The following FFAR2 variants were observed in gnomAD, a reference collection of about 807,000 sequenced individuals.
FFAR2 encodes G-protein coupled receptor 43.
For missense variants in FFAR2, 421 were observed against 428.9 expected (o/e 0.98, Z 0.16); for synonymous variants, 193 against 189.9 (o/e 1.02, Z -0.13).
In FFAR2 at chr19:35,450,057, G is replaced by C; in HGVS notation, c.343G>C (p.Val115Leu). ...IERYLGVAFPVQYKLSRRPLY... is the reference protein window; with the variant it reads ...IERYLGVAFPLQYKLSRRPLY... ...GCGCTACCTGGGAGTGGCTTTCCCC[G>C]TGCAGTACAAGCTCTCCCGCCGGCC... The change falls in exon 2 of 2, where the codon GTG (valine) becomes CTG (leucine). Residue 115 changes from valine (V) to leucine (L), a missense_variant. Transcript: ENST00000599180. 6.2e-7 allele frequency: 1 copy of C among 1,614,190 alleles called. No homozygotes were observed. Among genetic ancestry groups the C allele is most frequent in the East Asian group, 2.2e-5 (1 of 44,880 alleles).
chr19:35,449,795 G>T lies in FFAR2; in HGVS notation c.81G>T (p.Leu27=), dbSNP rs569172650. Reference sequence around the variant, plus strand: ...TCACTGGCCTCCCTGCCAACCTCCTGGCCCTGCGGGCCTTTGTGGGGCGGA... The same window carrying T: ...TCACTGGCCTCCCTGCCAACCTCCTTGCCCTGCGGGCCTTTGTGGGGCGGA... ...IFLTGLPANL[L]ALRAFVGRIR... is the part of the protein sequence containing the mutation. The change falls in exon 2 of 2, where the codon CTG becomes CTT. Residue 27 remains leucine (L), a synonymous_variant. Coordinates refer to ENST00000599180, the MANE Select transcript of FFAR2 (RefSeq NM_001370087.1). 1.2e-6 allele frequency: 2 copies of T among 1,611,668 alleles called. No homozygotes were observed. Among genetic ancestry groups the T allele is most frequent in the Non-Finnish European group, 1.7e-6 (2 of 1,178,990 alleles).
In FFAR2 at chr19:35,450,813, C is replaced by T; in HGVS notation, c.*106C>T. 8.2e-7 allele frequency: 1 copy of T among 1,214,276 alleles called. No individual in the cohort carries two copies. The highest frequency in any genetic ancestry group is 1.1e-6 in the Non-Finnish European group (1 of 880,456). The allele number at this position is 1,214,276 out of a possible 1,614,324, so 75.2% of individuals were successfully genotyped here. A position where few individuals can be genotyped will look rare whatever the true frequency, so the allele number is the denominator to read the frequency against. ...ATCCAGATTCAGAAATCCTTAGACC[C>T]AGCCCAGGACTGCGACTTTGAAAAA... On this transcript the variant is annotated 3_prime_UTR_variant, in exon 2 of 2. Coordinates refer to ENST00000599180, the MANE Select transcript of FFAR2 (RefSeq NM_001370087.1).
rs996967653 is a variant in FFAR2, at chr19:35,451,597, C to T, written c.*890C>T. 1.3e-5 allele frequency: 2 copies of T among 152,282 alleles called. No individual in the cohort carries two copies. Among genetic ancestry groups the T allele is most frequent in the African/African-American group, 4.8e-5 (2 of 41,406 alleles). 9.4% of individuals were successfully genotyped at this position (152,282 alleles called of 1,614,324 possible). The stretch of plus-strand genomic sequence containing the variant: ...TTGTTTTCATGTGTTGTCTTGTCTC[C>T]CCTGCTAAACTGGGAGCTGCCAGGG... On this transcript the variant is annotated 3_prime_UTR_variant, in exon 2 of 2. Transcript: ENST00000599180.
Position 35,451,372 on chromosome 19 carries a change from A to C in FFAR2, c.*665A>C, listed in dbSNP as rs1440203496. ...AAATCTCGATACAAGCTTCAAAGCA[A>C]CACCTAGACACTGCTCTAGCGGTTG... On this transcript the variant is annotated 3_prime_UTR_variant, in exon 2 of 2. Coordinates refer to ENST00000599180, the MANE Select transcript of FFAR2 (RefSeq NM_001370087.1). 6.6e-6 allele frequency: 1 copy of C among 152,226 alleles called. No individual in the cohort carries two copies. The highest frequency in any genetic ancestry group is 2.4e-5 in the African/African-American group (1 of 41,444). The allele number at this position is 152,226 out of a possible 1,614,324, so 9.4% of individuals were successfully genotyped here.
In FFAR2 at chr19:35,450,775, C is replaced by A. The variant is rs1599744045; in HGVS notation, c.*68C>A. ...GCTGGGAAGCCTGGGAGAGGCGGAG[C>A]AGGAAGGCTCCCATCCAGATTCAGA... On this transcript the variant is annotated 3_prime_UTR_variant, in exon 2 of 2. Coordinates refer to ENST00000599180, the MANE Select transcript of FFAR2 (RefSeq NM_001370087.1). 1.1e-5 allele frequency: 16 copies of A among 1,484,928 alleles called. No individual in the cohort carries two copies. Among genetic ancestry groups the A allele is most frequent in the Admixed American group, 8.9e-5 (4 of 45,050 alleles). The allele number at this position is 1,484,928 out of a possible 1,614,324, so 92.0% of individuals were successfully genotyped here.
rs140779660 is a variant in FFAR2 at position 35,450,030 on chromosome 19, G to A, written c.316G>A (p.Glu106Lys). The stretch of plus-strand genomic sequence containing the variant: ...GTGGCTCCTGGCGGGCATCAGCATC[G>A]AGCGCTACCTGGGAGTGGCTTTCCC... ...STWLLAGISI[E>K]RYLGVAFPVQ... is the part of the protein sequence containing the mutation. Residue 106 changes from glutamate (E) to lysine (K), a missense_variant, in exon 2 of 2, where the codon GAG becomes AAG. Glu to Lys is a moderately conservative substitution (Grantham distance 56). Coordinates refer to ENST00000599180, the MANE Select transcript of FFAR2 (RefSeq NM_001370087.1). 1.2e-5 allele frequency: 20 copies of A among 1,614,148 alleles called. No individual in the cohort carries two copies. Among genetic ancestry groups the A allele is most frequent in the East Asian group, 2.2e-5 (1 of 44,872 alleles).
chr19:35,448,787 A>T (rs907406243), intron 1 of FFAR2, among the ~76,000 whole-genome samples: 1 of 147,854 alleles, frequency 6.8e-6, no homozygotes, highest in Non-Finnish European at 1.5e-5. Context: ...TAAGCCTCCC[A>T]GCTTCCCCTT....
rs762644773 is a variant in FFAR2, at chr19:35,449,924, G to A, written c.210G>A (p.Ala70=). 3.0e-5 allele frequency: 48 copies of A among 1,613,292 alleles called. 2 individuals are homozygous for A. In the Admixed American group the frequency reaches 3.3e-4, roughly 11 times the overall value. The change falls in exon 2 of 2, where the codon GCG becomes GCA. Residue 70 remains alanine (A), a synonymous_variant. Transcript: ENST00000599180. ...LLLPFKIIEA[A]SNFRWYLPKV... ...TGCCCTTCAAGATCATCGAGGCTGC[G>A]TCGAACTTCCGCTGGTACCTGCCCA...
Position 35,449,733 on chromosome 19 carries a change from A to G in FFAR2, c.19A>G (p.Ser7Gly), listed in dbSNP as rs2067367303. The part of the protein sequence containing the change: MLPDWK[S>G]SLILMAYIII... ...CTCCAGGATGCTGCCGGACTGGAAG[A>G]GCTCCTTGATCCTCATGGCTTACAT... is the stretch of plus-strand genomic sequence containing the variant. Residue 7 changes from serine to glycine, a missense_variant, in exon 2 of 2, where the codon AGC (serine) becomes GGC (glycine). By Grantham distance (56) the Ser-to-Gly change is moderately conservative (BLOSUM62 0). Transcript: ENST00000599180. 1 of 1,555,860 alleles carries G rather than the reference A, an allele frequency of 6.4e-7. No individual in the cohort carries two copies. The highest frequency in any genetic ancestry group is 1.4e-5 in the African/African-American group (1 of 73,018).
Position 35,450,420 on chromosome 19 carries a change from G to A in FFAR2, c.706G>A (p.Gly236Arg), listed in dbSNP as rs143616979. ...GCTGCTCAATTTCCTGGTGTGCTTC[G>A]GACCTTACAACGTGTCCCACCTGGT... ...VTLLNFLVCFGPYNVSHLVGY... is the reference protein window; with the variant it reads ...VTLLNFLVCFRPYNVSHLVGY... The change falls in exon 2 of 2, where the codon GGA (glycine) becomes AGA (arginine). Residue 236 changes from glycine (G) to arginine (R), a missense_variant. Gly to Arg is a moderately radical substitution (Grantham distance 125, BLOSUM62 -2). Coordinates refer to ENST00000599180, the MANE Select transcript of FFAR2 (RefSeq NM_001370087.1). The A allele has an allele frequency of 4.5e-4, 729 of 1,614,220 alleles. 1 individual carries two copies. Among genetic ancestry groups the A allele is most frequent in the Middle Eastern group, 9.9e-4 (6 of 6,062 alleles).
In FFAR2 at chr19:35,449,992, T is replaced by A; in HGVS notation, c.278T>A (p.Ile93Asn). Residue 93 changes from isoleucine (I) to asparagine (N), a missense_variant, in exon 2 of 2, where the codon ATC becomes AAC. Coordinates refer to ENST00000599180, the MANE Select transcript of FFAR2 (RefSeq NM_001370087.1). Reference protein sequence around the residue: ...ALTSFGFYSSIYCSTWLLAGI... With the variant: ...ALTSFGFYSSNYCSTWLLAGI... ...ACGAGTTTTGGCTTCTACAGCAGCA[T>A]CTACTGCAGCACGTGGCTCCTGGCG... The A allele has an allele frequency of 6.2e-7, 1 of 1,614,154 alleles. No homozygotes were observed. Among genetic ancestry groups the A allele is most frequent in the Admixed American group, 1.7e-5 (1 of 60,018 alleles).
intron 1 of FFAR2, among the ~76,000 whole-genome samples, chr19:35,448,806 T>C (rs1002571039): frequency 1.5e-5 from 1 of 68,340 alleles, no homozygotes; most frequent in African/African-American, 9.1e-5. Flanking sequence ...TTTTCTTTTC[T>C]TTTTTTTTTT....
At chr19:35,449,200 A>G (rs1188262271) in intron 1 of FFAR2, among the ~76,000 whole-genome samples, 2 of 152,170 alleles carry the variant, frequency 1.3e-5, no homozygotes, top group African/African-American at 4.8e-5. Context: ...GACGAACGGA[A>G]GTAGGAAGCT....
intron 1 of FFAR2, among the ~76,000 whole-genome samples, chr19:35,448,943 C>T (rs1266512230): frequency 6.6e-6 from 1 of 151,700 alleles, no homozygotes; most frequent in East Asian, 1.9e-4. Context: ...GCTGGGATTA[C>T]AGGTGCCCGC....
rs142684334 is a variant in FFAR2, at chr19:35,450,195, G to T, written c.481G>T (p.Glu161Ter). ...GACTGAGCAGGTCAGAAGTGGCAAT[G>T]AAATTACCTGCTACGAGAACTTCAC... Reference protein sequence around the residue: ...NTTEQVRSGNEITCYENFTDN... With the variant: ...NTTEQVRSGN The change falls in exon 2 of 2, where the codon GAA becomes TAA. Residue 161 changes from glutamate (E) to a stop codon, truncating the protein, a stop_gained. Transcript: ENST00000599180. LOFTEE classifies it low-confidence loss of function (END_TRUNC). 1.9e-5 allele frequency: 31 copies of T among 1,614,058 alleles called. No homozygotes were observed. In the African/African-American group the frequency reaches 3.1e-4, roughly 16 times the overall value.
In FFAR2 at chr19:35,449,662, G is replaced by A. The variant is rs1237523723; in HGVS notation, c.-1-52G>A. 2.0e-5 allele frequency: 31 copies of A among 1,514,978 alleles called. 1 individual carries two copies. The East Asian group carries it at 2.5e-4, about 12-fold the overall frequency. 93.8% of individuals were successfully genotyped at this position (1,514,978 alleles called of 1,614,324 possible). A position where few individuals can be genotyped will look rare whatever the true frequency, so the allele number is the denominator to read the frequency against. ...CGCATCCTGAAGGAGAGCTGGCTGC[G>A]CGGGCTGTGAGTGAGACCTCCCTGA... is the stretch of plus-strand genomic sequence containing the variant. On this transcript the variant is annotated intron_variant, in intron 1 of 1. Coordinates refer to ENST00000599180, the MANE Select transcript of FFAR2 (RefSeq NM_001370087.1).
rs758560714 is a variant in FFAR2 at position 35,450,034 on chromosome 19, G to A, written c.320G>A (p.Arg107His). The A allele has an allele frequency of 1.1e-5, 17 of 1,614,048 alleles. No individual in the cohort carries two copies. The highest frequency in any genetic ancestry group is 2.2e-5 in the South Asian group (2 of 91,086). Reference sequence around the variant, plus strand: ...CTCCTGGCGGGCATCAGCATCGAGCGCTACCTGGGAGTGGCTTTCCCCGTG... The same window carrying A: ...CTCCTGGCGGGCATCAGCATCGAGCACTACCTGGGAGTGGCTTTCCCCGTG... ...TWLLAGISIE[R>H]YLGVAFPVQY... The change falls in exon 2 of 2, where the codon CGC (arginine) becomes CAC (histidine). Residue 107 changes from arginine (R) to histidine (H), a missense_variant. Coordinates refer to ENST00000599180, the MANE Select transcript of FFAR2 (RefSeq NM_001370087.1).
Position 35,450,988 on chromosome 19 carries a change from G to A in FFAR2, c.*281G>A, listed in dbSNP as rs1185629900. ...TATAATCCCAGAACTTTGGGAGGCTGAGGCAGGTGGATCACTTGAGGTCGG... is the reference window on the plus strand; with the variant it reads ...TATAATCCCAGAACTTTGGGAGGCTAAGGCAGGTGGATCACTTGAGGTCGG... On this transcript the variant is annotated 3_prime_UTR_variant, in exon 2 of 2. Coordinates refer to ENST00000599180, the MANE Select transcript of FFAR2 (RefSeq NM_001370087.1). The A allele has an allele frequency of 9.0e-6, 3 of 334,258 alleles. No homozygotes were observed. The highest frequency in any genetic ancestry group is 4.2e-5 in the African/African-American group (2 of 47,768). 20.7% of individuals were successfully genotyped at this position (334,258 alleles called of 1,614,324 possible).
At position 35,450,477 on chromosome 19, in the gene FFAR2, C is replaced by A. The variant is rs1409706065; in HGVS notation, c.763C>A (p.Arg255=). The change falls in exon 2 of 2, where the codon CGG becomes AGG. Residue 255 remains arginine, a synonymous_variant. Coordinates refer to ENST00000599180, the MANE Select transcript of FFAR2 (RefSeq NM_001370087.1). ...GYHQRKSPWW[R]SIAVVFSSLN... The stretch of plus-strand genomic sequence containing the variant: ...TCACCAGAGAAAAAGCCCCTGGTGG[C>A]GGTCAATAGCCGTGGTGTTCAGTTC... 1 of 1,614,248 alleles carries A rather than the reference C, an allele frequency of 6.2e-7. No homozygotes were observed. The highest frequency in any genetic ancestry group is 8.5e-7 in the Non-Finnish European group (1 of 1,180,040).
Sources: allele counts gnomAD v4.1 joint callset (sites outside exome capture counted in the v4.1 genomes callset), GRCh38; gene constraint gnomAD v4.1.1; transcripts MANE v1.5; gene names NCBI Gene and HGNC (gene_info 2026-07-23, HGNC 2026-07-21).